NRXN3: variants seen among roughly 807,000 people sequenced by gnomAD.
The protein encoded by NRXN3 is neurexin III.
In NRXN3, 32 loss-of-function variants were observed where a neutral mutation model predicts 137.6. That is an observed-to-expected ratio of 0.23 (90% CI 0.18 to 0.31). The LOEUF is 0.31. Among genes scored for constraint, NRXN3 ranks in the 10% least tolerant of loss-of-function variants. The probability of loss-of-function intolerance (pLI) is 1.00; values close to 1 mark genes in which losing one functional copy is unlikely to be tolerated. For synonymous variants in NRXN3, 798 were observed against 784.5 expected (o/e 1.02, Z -0.29); for missense variants, 1,574 against 2,062.5 (o/e 0.76, Z 4.59).
At chr14:78,399,483 G>A (rs1485786873) in intron 4 of NRXN3, among the ~76,000 whole-genome samples, 1 of 152,144 alleles carries the variant, frequency 6.6e-6, no homozygotes. Context: ...AAATACGAAG[G>A]TTCCCAGGGA....
intron 16 of NRXN3, among the ~76,000 whole-genome samples, chr14:79,529,807 C>G (rs912026601): frequency 1.3e-5 from 2 of 152,146 alleles, no homozygotes; most frequent in Non-Finnish European, 2.9e-5. Flanking sequence ...GTTTTCATCC[C>G]ACTGAATCTT....
intron 15 of NRXN3, among the ~76,000 whole-genome samples, chr14:79,174,070 G>A (rs928143396): frequency 6.6e-6 from 1 of 152,052 alleles, no homozygotes; most frequent in Non-Finnish European, 1.5e-5. Flanking sequence ...TCTAATCTGG[G>A]CATATTTGCA....
rs1050960631 is a variant in NRXN3, at chr14:78,354,493, T to C, written c.757+56633T>C. On this transcript the variant is annotated intron_variant, in intron 4 of 20. Coordinates refer to ENST00000335750, the MANE Select transcript of NRXN3 (RefSeq NM_001330195.2). ...CTTTGAGAGATGAGATGCCAAAGTC[T>C]CACTGCCTCTTTCGCTCCCCATGCA... Among the ~76,000 whole-genome samples, 6 of 152,308 alleles carry C rather than the reference T, an allele frequency of 3.9e-5. No homozygotes were observed. The South Asian group carries it at 8.3e-4, about 21-fold the overall frequency.
intron 14 of NRXN3, among the ~76,000 whole-genome samples, chr14:78,977,227 T>C (rs2099470677): frequency 6.6e-6 from 1 of 152,058 alleles, no homozygotes; most frequent in African/African-American, 2.4e-5. Flanking sequence ...GCAGAAAGAG[T>C]ACATAGATGA....
intron 18 of NRXN3, 36 bp from the exon 19 acceptor site, chr14:79,697,594 T>C (rs764410050): frequency 1.3e-6 from 2 of 1,590,784 alleles, no homozygotes; most frequent in Non-Finnish European, 1.7e-6. Flanking sequence ...GGAAAACGTA[T>C]GAGAATAATA....
intron 15 of NRXN3, among the ~76,000 whole-genome samples, chr14:79,252,946 C>G (rs574425196): frequency 2.2e-4 from 33 of 152,288 alleles, no homozygotes; most frequent in African/African-American, 7.0e-4. Flanking sequence ...GGTTCAGTCA[C>G]ATCTGTATGA....
intron 19 of NRXN3, among the ~76,000 whole-genome samples, chr14:79,770,704 A>G (rs1380340413): frequency 6.6e-6 from 1 of 150,546 alleles, no homozygotes; most frequent in Non-Finnish European, 1.5e-5. Context: ...CTAACATCAC[A>G]ATTAAAAGAA....
At chr14:79,700,820 C>T (rs80112056) in intron 19 of NRXN3, among the ~76,000 whole-genome samples, 1 of 151,992 alleles carries the variant, frequency 6.6e-6, no homozygotes, top group African/African-American at 2.4e-5. Flanking sequence ...TGTGAATAAC[C>T]TGGCTGATGT....
intron 15 of NRXN3, among the ~76,000 whole-genome samples, chr14:79,066,756 G>C (rs1409228308): frequency 6.6e-6 from 1 of 151,864 alleles, no homozygotes; most frequent in Non-Finnish European, 1.5e-5. Flanking sequence ...TCATGATTTG[G>C]CTCTCTGCTT....
At chr14:78,534,604 A>G (rs2096513275) in intron 4 of NRXN3, among the ~76,000 whole-genome samples, 1 of 152,134 alleles carries the variant, frequency 6.6e-6, no homozygotes, top group Non-Finnish European at 1.5e-5. Context: ...TTTTGCTCAG[A>G]ACATTGTTAT....
intron 19 of NRXN3, among the ~76,000 whole-genome samples, chr14:79,725,553 A>T (rs982256394): frequency 3.9e-5 from 6 of 152,166 alleles, no homozygotes; most frequent in Non-Finnish European, 7.3e-5. Context: ...CAAATGTGGA[A>T]GTTGGGCCGG....
chr14:79,822,925 G>A (rs960961733), intron 20 of NRXN3, among the ~76,000 whole-genome samples: 19 of 152,160 alleles, frequency 1.2e-4, no homozygotes, highest in Admixed American at 8.5e-4. Context: ...AACTTCTAAG[G>A]ACTGTGTGGA....
chr14:79,056,721 G>A (rs1486224674), intron 15 of NRXN3, among the ~76,000 whole-genome samples: 1 of 152,160 alleles, frequency 6.6e-6, no homozygotes, highest in Admixed American at 6.5e-5. Flanking sequence ...TTCAGTGTAA[G>A]CAAAGACCAT....
At chr14:79,332,575 A>G (rs1442944409) in intron 15 of NRXN3, among the ~76,000 whole-genome samples, 2 of 152,214 alleles carry the variant, frequency 1.3e-5, no homozygotes, top group African/African-American at 2.4e-5. Context: ...TCTGTCATTC[A>G]GAAACATTCC....
At chr14:79,512,674 G>A (rs79877145) in intron 16 of NRXN3, among the ~76,000 whole-genome samples, 3,204 of 152,216 alleles carry the variant, frequency 0.021, 102 homozygotes, top group East Asian at 0.12. Flanking sequence ...ACAATAGTGG[G>A]ATTGCAGTAG....
chr14:79,574,337 G>A (rs978462430), intron 16 of NRXN3, among the ~76,000 whole-genome samples: 5 of 151,966 alleles, frequency 3.3e-5, no homozygotes, highest in African/African-American at 1.2e-4. Context: ...TACTACTAGA[G>A]TTTCACAACT....
chr14:78,923,357 T>A (rs1464099510), intron 10 of NRXN3, among the ~76,000 whole-genome samples: 1 of 152,184 alleles, frequency 6.6e-6, no homozygotes, highest in Non-Finnish European at 1.5e-5. Context: ...GCTTTGAAGG[T>A]TTGAGTATGT....
At chr14:79,651,786 T>A (rs2098477301) in intron 16 of NRXN3, among the ~76,000 whole-genome samples, 3 of 152,138 alleles carry the variant, frequency 2.0e-5, no homozygotes. Context: ...CTCATTGAGC[T>A]TTGGGCTAGG....
In NRXN3 at chr14:78,756,303, C is replaced by G. The variant is rs915507778; in HGVS notation, c.2044+41164C>G. On this transcript the variant is annotated intron_variant, in intron 8 of 20. Coordinates refer to ENST00000335750, the MANE Select transcript of NRXN3 (RefSeq NM_001330195.2). ...AAGAGTTTGAGACTAGCCTGGTAAACGTGGCAAAACCCTATCTCTACTAAA... is the reference window on the plus strand; with the variant it reads ...AAGAGTTTGAGACTAGCCTGGTAAAGGTGGCAAAACCCTATCTCTACTAAA... Among the ~76,000 whole-genome samples the G allele has an allele frequency of 2.6e-5, 4 of 152,186 alleles. No homozygotes were observed. The East Asian group carries it at 7.7e-4, about 29-fold the overall frequency.
Sources: allele counts gnomAD v4.1 joint callset (sites outside exome capture counted in the v4.1 genomes callset), GRCh38; gene constraint gnomAD v4.1.1; transcripts MANE v1.5; gene names NCBI Gene and HGNC (gene_info 2026-07-23, HGNC 2026-07-21).